The following PTPRG variants were observed in gnomAD, a reference collection of about 807,000 sequenced individuals.
The protein encoded by PTPRG is receptor-type tyrosine-protein phosphatase gamma.
In PTPRG, 102 loss-of-function variants were observed where a neutral mutation model predicts 165.3. That is an observed-to-expected ratio of 0.62 (90% CI 0.53 to 0.73). The LOEUF is 0.73. PTPRG is among the 30% of genes least tolerant of loss of function. PTPRG has a pLI of 0.00. For synonymous variants in PTPRG, 675 were observed against 669.5 expected (o/e 1.01, Z -0.13); for missense variants, 1,866 against 1,861.4 (o/e 1.00, Z -0.05).
chr3:61,724,932 A>G (rs780611042), intron 1 of PTPRG, among the ~76,000 whole-genome samples: 6 of 152,062 alleles, frequency 3.9e-5, no homozygotes, highest in Non-Finnish European at 8.8e-5. Flanking sequence ...GCCTGTTCCC[A>G]CGTCCTCTCA....
chr3:61,601,624 A>G (rs1700871141), intron 1 of PTPRG, among the ~76,000 whole-genome samples: 1 of 152,200 alleles, frequency 6.6e-6, no homozygotes, highest in Non-Finnish European at 1.5e-5. Flanking sequence ...CATCCATCTC[A>G]TATTTATTGA....
intron 1 of PTPRG, among the ~76,000 whole-genome samples, chr3:61,639,162 A>G (rs1377801418): frequency 6.6e-6 from 1 of 152,090 alleles, no homozygotes; most frequent in Non-Finnish European, 1.5e-5. Flanking sequence ...AATTGAATAG[A>G]TAATCCTTTC....
intron 1 of PTPRG, among the ~76,000 whole-genome samples, chr3:61,579,985 A>C (rs576425695): frequency 2.6e-5 from 4 of 152,384 alleles, no homozygotes; most frequent in Admixed American, 2.6e-4. Flanking sequence ...TTAAAAAATC[A>C]CACATCAACC....
chr3:61,999,122 C>T (rs189496751), intron 3 of PTPRG, among the ~76,000 whole-genome samples: 155 of 152,206 alleles, frequency 1.0e-3, no homozygotes, highest in African/African-American at 3.6e-3. Flanking sequence ...TCTCGATCAC[C>T]GCAGCCTCCG....
At chr3:62,104,844 T>A (rs1702417645) in intron 5 of PTPRG, among the ~76,000 whole-genome samples, 1 of 152,228 alleles carries the variant, frequency 6.6e-6, no homozygotes, top group Admixed American at 6.5e-5. Context: ...CAGATTTTTT[T>A]AACCTTGCAT....
In PTPRG at chr3:62,255,130, T is replaced by A. The variant is rs1459104836; in HGVS notation, c.2474T>A (p.Met825Lys). 2.5e-6 allele frequency: 4 copies of A among 1,611,902 alleles called. No individual in the cohort carries two copies. The highest frequency in any genetic ancestry group is 3.4e-6 in the Non-Finnish European group (4 of 1,178,490). ...SIPIIPIPDD[M>K]EAIPVKQFVK... Reference sequence around the variant, plus strand: ...ATTATTTTATTCCCCCCAGATGACATGGAAGCCATTCCTGTCAAACAGTTT... The same window carrying A: ...ATTATTTTATTCCCCCCAGATGACAAGGAAGCCATTCCTGTCAAACAGTTT... Residue 825 changes from methionine to lysine, a missense_variant, in exon 16 of 30, where the codon ATG (methionine) becomes AAG (lysine). Around this residue, in one of 3 missense-constraint regions of PTPRG, gnomAD observed 1,452 missense variants for 1,463.0 expected, o/e 0.99. Coordinates refer to ENST00000474889, the MANE Select transcript of PTPRG (RefSeq NM_002841.4). This position sits in a 1 kb window ranked among gnomAD's most constrained non-coding sequence, Gnocchi z 4.0.
intron 2 of PTPRG, among the ~76,000 whole-genome samples, chr3:61,937,324 C>T (rs576932421): frequency 6.6e-6 from 1 of 152,284 alleles, no homozygotes; most frequent in Admixed American, 6.5e-5. Flanking sequence ...ACCCTGGTTT[C>T]ACTGCTGTCG....
chr3:61,826,225 T>TA (rs1007100742), intron 2 of PTPRG, among the ~76,000 whole-genome samples: 2 of 152,146 alleles, frequency 1.3e-5, no homozygotes, highest in African/African-American at 4.8e-5. Context: ...CTGTATCTGC[T>TA]AAAAAATGTT....
chr3:62,130,673 G>C (rs1380760486), intron 5 of PTPRG, among the ~76,000 whole-genome samples: 1 of 152,142 alleles, frequency 6.6e-6, no homozygotes, highest in African/African-American at 2.4e-5. Context: ...ACTTTTACTG[G>C]TTAGGTTCTC....
chr3:61,723,826 T>A (rs978800478), intron 1 of PTPRG, among the ~76,000 whole-genome samples: 2 of 152,180 alleles, frequency 1.3e-5, no homozygotes, highest in African/African-American at 4.8e-5. Flanking sequence ...GATTCCCATG[T>A]CACAAAGATT....
At position 61,561,634 on chromosome 3, in the gene PTPRG, C is replaced by T. The variant is rs1699752334; in HGVS notation, c.-654C>T. 1.3e-5 allele frequency: 2 copies of T among 153,240 alleles called. 1 individual carries two copies. Among genetic ancestry groups the T allele is most frequent in the South Asian group, 4.1e-4 (2 of 4,854 alleles). 9.5% of individuals were successfully genotyped at this position (153,240 alleles called of 1,614,324 possible). On this transcript the variant is annotated 5_prime_UTR_variant, in exon 1 of 30. Transcript: ENST00000474889. ...CCCGCGCTCTTCGTTCCTTCCCAGC[C>T]TGCGCCGGAGCCACAACTTTCAGGA...
At chr3:62,184,349 G>C (rs1044914282) in intron 8 of PTPRG, among the ~76,000 whole-genome samples, 3 of 152,146 alleles carry the variant, frequency 2.0e-5, no homozygotes, top group Non-Finnish European at 4.4e-5. Context: ...GGCAGGGATG[G>C]GGGAGGCAAC....
chr3:61,783,596 A>G (rs1220711597), intron 2 of PTPRG, among the ~76,000 whole-genome samples: 1 of 151,920 alleles, frequency 6.6e-6, no homozygotes, highest in Non-Finnish European at 1.5e-5. Flanking sequence ...GTGGTTGAGG[A>G]GGGTTGAGAT....
intron 1 of PTPRG, among the ~76,000 whole-genome samples, chr3:61,708,526 A>G (rs183082871): frequency 3.5e-3 from 487 of 140,536 alleles, no homozygotes; most frequent in Non-Finnish European, 5.3e-3. Context: ...CAGTGGCGCA[A>G]TCTGGGCAAG....
intron 2 of PTPRG, among the ~76,000 whole-genome samples, chr3:61,857,176 G>T (rs562323458): frequency 6.6e-6 from 1 of 151,860 alleles, no homozygotes; most frequent in African/African-American, 2.4e-5. Context: ...CATCACTCCA[G>T]AAATCTCATA....
At chr3:61,704,124 G>A (rs1454381789) in intron 1 of PTPRG, among the ~76,000 whole-genome samples, 1 of 152,116 alleles carries the variant, frequency 6.6e-6, no homozygotes, top group Non-Finnish European at 1.5e-5. Context: ...TTGGTTGTCT[G>A]CAAGGCCAGG....
intron 2 of PTPRG, among the ~76,000 whole-genome samples, chr3:61,861,133 A>G (rs1307552341): frequency 6.6e-6 from 1 of 152,186 alleles, no homozygotes; most frequent in Non-Finnish European, 1.5e-5. Flanking sequence ...GATATCAATC[A>G]TTGGTTTCTT....
chr3:61,591,177 T>G (rs1314459845), intron 1 of PTPRG, among the ~76,000 whole-genome samples: 1 of 152,242 alleles, frequency 6.6e-6, no homozygotes, highest in Non-Finnish European at 1.5e-5. Context: ...ATGTACCTCC[T>G]TGTGCACATT....
chr3:61,636,572 T>G (rs1475488029), intron 1 of PTPRG, among the ~76,000 whole-genome samples: 1 of 152,252 alleles, frequency 6.6e-6, no homozygotes, highest in Non-Finnish European at 1.5e-5. Context: ...TCTGCCTGCC[T>G]TGGCTTCCCA....
Sources: gnomAD v4.1 joint callset for allele counts (sites outside exome capture counted in the v4.1 genomes callset) on GRCh38, gnomAD v4.1.1 for gene constraint, gnomAD v4.1.1 regional missense constraint, Gnocchi (gnomAD v3.1) non-coding constraint, MANE v1.5 for transcripts, NCBI Gene and HGNC (gene_info 2026-07-23, HGNC 2026-07-21) for gene names.